Variants in NFYA observed in about 807,000 individuals in gnomAD.
NFYA encodes the protein nuclear transcription factor Y subunit alpha, also known as CAAT-box DNA binding protein subunit A.
In NFYA, 28 loss-of-function variants were observed where a neutral mutation model predicts 52.8. The observed-to-expected ratio is 0.53, with a 90% CI of 0.39 to 0.73. NFYA has a LOEUF of 0.73. NFYA is among the 30% of genes least tolerant of loss of function. NFYA has a pLI of 0.00. For missense variants in NFYA, 234 were observed against 427.0 expected, an observed-to-expected ratio of 0.55 and a Z score of 3.98; for synonymous variants, 150 against 150.7, an observed-to-expected ratio of 1.00 and a Z score of 0.03.
intron 4 of NFYA, among the ~76,000 whole-genome samples, chr6:41,087,645 G>A (rs764052406): frequency 1.3e-5 from 2 of 152,052 alleles, no homozygotes; most frequent in Non-Finnish European, 2.9e-5. Context: ...AAGTTTGGGA[G>A]GTATTCTTGA....
Position 41,079,018 on chromosome 6 carries a change from C to T in NFYA, c.-61-11C>T. The T allele has an allele frequency of 7.2e-7, 1 of 1,387,906 alleles. No homozygotes were observed. The highest frequency in any genetic ancestry group is 1.0e-6 in the Non-Finnish European group (1 of 987,212). The allele number at this position is 1,387,906 out of a possible 1,614,324, so 86.0% of individuals were successfully genotyped here. A position where few individuals can be genotyped will look rare whatever the true frequency, so the allele number is the denominator to read the frequency against. ...ATCTCACTTTAGTTTCTTTCCCCAC[C>T]TTTCTAACAGGAGTGTACCTCACAG... On this transcript the variant is annotated splice_polypyrimidine_tract_variant and intron_variant, in intron 1 of 9. Coordinates refer to ENST00000341376, the MANE Select transcript of NFYA (RefSeq NM_002505.5).
At chr6:41,079,400 C>G (rs946989313) in intron 2 of NFYA, among the ~76,000 whole-genome samples, 2 of 152,216 alleles carry the variant, frequency 1.3e-5, no homozygotes, top group Non-Finnish European at 2.9e-5. Flanking sequence ...GTAAAAACAT[C>G]TAGTCTGGTT....
intron 3 of NFYA, among the ~76,000 whole-genome samples, chr6:41,083,116 G>T (rs993432638): frequency 1.3e-5 from 2 of 152,132 alleles, no homozygotes; most frequent in Non-Finnish European, 2.9e-5. Context: ...GAAAATTTTG[G>T]ACTATTCCAT....
intron 5 of NFYA, 68 bp downstream of exon 5, chr6:41,089,778 A>C (rs569816346): frequency 1.6e-5 from 25 of 1,569,010 alleles, no homozygotes; most frequent in African/African-American, 4.1e-5. Context: ...TGAGTCAGAT[A>C]TTTCATGTAT....
intron 9 of NFYA, among the ~76,000 whole-genome samples, chr6:41,095,040 A>G (rs571575073): frequency 6.6e-5 from 10 of 152,240 alleles, no homozygotes; most frequent in African/African-American, 2.2e-4. Flanking sequence ...TAGATTTATA[A>G]AATAGCTGCT....
At chr6:41,086,939 A>G (rs1764064293) in intron 4 of NFYA, among the ~76,000 whole-genome samples, 1 of 152,182 alleles carries the variant, frequency 6.6e-6, no homozygotes, top group Non-Finnish European at 1.5e-5. Context: ...TTTTTATGCT[A>G]TAGAGAAGGA....
At position 41,091,512 on chromosome 6, in the gene NFYA, T is replaced by G; in HGVS notation, c.548-16T>G. On this transcript the variant is annotated splice_polypyrimidine_tract_variant and intron_variant, in intron 6 of 9. Transcript: ENST00000341376. ...GTGCCTGTTTTTTGTTTGTTTTATGTTTTGTTTTCTTAAAGTTACAGTCCC... is the reference window on the plus strand; with the variant it reads ...GTGCCTGTTTTTTGTTTGTTTTATGGTTTGTTTTCTTAAAGTTACAGTCCC... The G allele has an allele frequency of 6.2e-7, 1 of 1,612,576 alleles. No homozygotes were observed. Among genetic ancestry groups the G allele is most frequent in the Admixed American group, 1.7e-5 (1 of 59,742 alleles).
chr6:41,097,511 T>G lies in NFYA; in HGVS notation c.*101T>G. 1 of 1,257,294 alleles carries G rather than the reference T, an allele frequency of 8.0e-7. No individual in the cohort carries two copies. Among genetic ancestry groups the G allele is most frequent in the Non-Finnish European group, 1.1e-6 (1 of 871,120 alleles). The allele number at this position is 1,257,294 out of a possible 1,614,324, so 77.9% of individuals were successfully genotyped here. ...GACATTGATGATCACATTCTGCCCTTTACTACAGGACAGAAACCACTTAGT... is the reference window on the plus strand; with the variant it reads ...GACATTGATGATCACATTCTGCCCTGTACTACAGGACAGAAACCACTTAGT... On this transcript the variant is annotated 3_prime_UTR_variant, in exon 10 of 10. Coordinates refer to ENST00000341376, the MANE Select transcript of NFYA (RefSeq NM_002505.5).
chr6:41,077,323 A>C (rs1000686367), intron 1 of NFYA, among the ~76,000 whole-genome samples: 1 of 152,158 alleles, frequency 6.6e-6, no homozygotes, highest in Non-Finnish European at 1.5e-5. Flanking sequence ...TGCTACCACA[A>C]TGAAGATATA....
chr6:41,091,798 C>A, intron 7 of NFYA, 104 bp downstream of exon 7: 1 of 1,252,258 alleles, frequency 8.0e-7, no homozygotes, highest in Non-Finnish European at 1.1e-6. Context: ...TGAGATCGAT[C>A]CTTAAGGCAC....
intron 2 of NFYA, among the ~76,000 whole-genome samples, chr6:41,080,512 G>A (rs978639728): frequency 6.6e-6 from 1 of 152,156 alleles, no homozygotes; most frequent in Non-Finnish European, 1.5e-5. Context: ...AAACAATTGT[G>A]TAAGTAGAAG....
In NFYA at chr6:41,100,701, T is replaced by C. The variant is rs1344152719; in HGVS notation, c.*3291T>C. ...TGACCCAAGATTCTACTCTGTGGTA[T>C]GAGGGAAAGACCTCTCGATATTTAT... On this transcript the variant is annotated 3_prime_UTR_variant, in exon 10 of 10. Coordinates refer to ENST00000341376, the MANE Select transcript of NFYA (RefSeq NM_002505.5). Among the ~76,000 whole-genome samples, 1 of 152,266 alleles carries C rather than the reference T, an allele frequency of 6.6e-6. No individual in the cohort carries two copies. Among genetic ancestry groups the C allele is most frequent in the African/African-American group, 2.4e-5 (1 of 41,470 alleles).
intron 9 of NFYA, among the ~76,000 whole-genome samples, chr6:41,095,149 C>G (rs911333422): frequency 2.6e-5 from 4 of 152,208 alleles, no homozygotes; most frequent in Non-Finnish European, 5.9e-5. Flanking sequence ...AGTCCCTGTT[C>G]TGCTCAAGCT....
At chr6:41,095,528 T>C (rs1429432984) in intron 9 of NFYA, among the ~76,000 whole-genome samples, 1 of 152,188 alleles carries the variant, frequency 6.6e-6, no homozygotes, top group Non-Finnish European at 1.5e-5. Flanking sequence ...ACCTCCCAGC[T>C]CAAGTGATCC....
At chr6:41,094,567 G>T in intron 9 of NFYA, 70 bp downstream of exon 9, 1 of 1,164,038 alleles carries the variant, frequency 8.6e-7, no homozygotes, top group Non-Finnish European at 1.3e-6. Context: ...GCCTTCAGCA[G>T]TGTCCTCTTG....
chr6:41,092,888 A>G, intron 7 of NFYA, 24 bp from the exon 8 acceptor site: 1 of 1,601,252 alleles, frequency 6.2e-7, no homozygotes, highest in Non-Finnish European at 8.5e-7. Context: ...GCCACCAATA[A>G]GCTCTGGTTT....
intron 7 of NFYA, among the ~76,000 whole-genome samples, 180 bp downstream of exon 7, chr6:41,091,874 T>TGCCAGGGACTATTC (rs1375771877): frequency 3.3e-5 from 5 of 152,182 alleles, no homozygotes; most frequent in Non-Finnish European, 7.4e-5. Context: ...ACCTACTATG[T>TGCCAGGGACTATTC]GCCAGGGACT....
chr6:41,083,988 G>T, intron 3 of NFYA, 58 bp from the exon 4 acceptor site: 1 of 1,488,714 alleles, frequency 6.7e-7, no homozygotes. Context: ...ATTGTCTTTT[G>T]GTAAAAACCA....
chr6:41,085,498 C>A (rs1341828140), intron 4 of NFYA, among the ~76,000 whole-genome samples: 1 of 151,942 alleles, frequency 6.6e-6, no homozygotes, highest in Non-Finnish European at 1.5e-5. Context: ...TAACCAACCC[C>A]CCATGAGTAT....
Sources: allele counts gnomAD v4.1 joint callset (sites outside exome capture counted in the v4.1 genomes callset), GRCh38; gene constraint gnomAD v4.1.1; transcripts MANE v1.5; gene names NCBI Gene and HGNC (gene_info 2026-07-23, HGNC 2026-07-21).